The following MASP2 variants were observed in gnomAD, a reference collection of about 807,000 sequenced individuals.
The protein encoded by MASP2 is mannan-binding lectin serine protease 2.
A neutral mutation model predicts 57.1 loss-of-function variants in MASP2; 49 were observed. The ratio of observed to expected loss-of-function variants is 0.86; its 90% CI spans 0.68 to 1.09. MASP2 has a LOEUF of 1.09. Among genes scored for constraint, MASP2 ranks in the 50% least tolerant of loss-of-function variants. The pLI is 0.00. For synonymous variants in MASP2, 379 were observed against 340.8 expected (o/e 1.11, Z -1.24); for missense variants, 900 against 874.8 (o/e 1.03, Z -0.36).
chr1:11,030,242 C>G lies in MASP2; in HGVS notation c.1231G>C (p.Val411Leu), dbSNP rs367583731. 6.2e-6 allele frequency: 10 copies of G among 1,612,608 alleles called. No individual in the cohort carries two copies. In the African/African-American group the frequency reaches 1.3e-4, roughly 22 times the overall value. ...GTCCAGAATCCATCAGCCTCACACA[C>G]ATATTTACCTGCAAATCATTGGAAA... is the stretch of plus-strand genomic sequence containing the variant. ...YTMKVNDGKYVCEADGFWTSS... is the reference protein window; with the variant it reads ...YTMKVNDGKYLCEADGFWTSS... The change falls in exon 10 of 11, where the codon GTG becomes CTG. Residue 411 changes from valine to leucine, a missense_variant. By Grantham distance (32) the Val-to-Leu change is conservative. Transcript: ENST00000400897.
chr1:11,034,973 C>T, intron 7 of MASP2, 67 bp from the exon 8 acceptor site: 3 of 1,163,026 alleles, frequency 2.6e-6, no homozygotes, highest in East Asian at 2.6e-5. Flanking sequence ...CAAAGCTGTG[C>T]TCTCACAGCA....
Position 11,044,723 on chromosome 1 carries a change from G to A in MASP2, c.544+685C>T, listed in dbSNP as rs1019336771. On this transcript the variant is annotated intron_variant, in intron 4 of 10. Transcript: ENST00000400897. ...CCACAGACCTGGGGTTCATGAGGCT[G>A]TGAGGAGGGTAGGCAGAGAGGAGCG... is the stretch of plus-strand genomic sequence containing the variant. 15 of 1,337,344 alleles carry A rather than the reference G, an allele frequency of 1.1e-5. No homozygotes were observed. In the African/African-American group the frequency reaches 2.2e-4, roughly 20 times the overall value. The allele number at this position is 1,337,344 out of a possible 1,614,324, so 82.8% of individuals were successfully genotyped here.
At chr1:11,044,614 G>A (rs935309004) in intron 4 of MASP2, among the ~76,000 whole-genome samples, 1 of 152,150 alleles carries the variant, frequency 6.6e-6, no homozygotes, top group East Asian at 1.9e-4. Flanking sequence ...CTCGAGCGAG[G>A]CCTTGCCCCT....
At chr1:11,044,859 A>C in intron 4 of MASP2, 8 of 1,539,088 alleles carry the variant, frequency 5.2e-6, no homozygotes, top group Non-Finnish European at 7.0e-6. Context: ...GGGCACAGCC[A>C]TCTCAGCCCA....
In MASP2 at chr1:11,027,045, C is replaced by A; in HGVS notation, c.1901G>T (p.Gly634Val). Residue 634 changes from glycine to valine, a missense_variant, in exon 11 of 11, where the codon GGA becomes GTA. Gly to Val is a moderately radical substitution (Grantham distance 109). Coordinates refer to ENST00000400897, the MANE Select transcript of MASP2 (RefSeq NM_006610.4). ...ACTATCTAGAAACACCAGTGCCCCT[C>A]CGCTGTCACCTCTGCAGCTGTCCTT... Reference protein sequence around the residue: ...GGKDSCRGDSGGALVFLDSET... With the variant: ...GGKDSCRGDSVGALVFLDSET... 2 of 1,593,082 alleles carry A rather than the reference C, an allele frequency of 1.3e-6. No individual in the cohort carries two copies. Among genetic ancestry groups the A allele is most frequent in the South Asian group, 1.1e-5 (1 of 87,124 alleles).
At chr1:11,038,484 C>T (rs563285525) in intron 6 of MASP2, among the ~76,000 whole-genome samples, 2 of 152,188 alleles carry the variant, frequency 1.3e-5, no homozygotes, top group South Asian at 2.1e-4. Context: ...CTGCATTCCA[C>T]TCTGGCCCCC....
At chr1:11,032,215 G>A (rs78179255) in intron 8 of MASP2, among the ~76,000 whole-genome samples, 1,794 of 152,300 alleles carry the variant, frequency 0.012, 41 homozygotes, top group African/African-American at 0.04. Flanking sequence ...CCAGTTTGGG[G>A]TGTGTGTATT....
chr1:11,045,920 G>C (rs1346430688), intron 3 of MASP2: 1 of 244,446 alleles, frequency 4.1e-6, no homozygotes, highest in Non-Finnish European at 8.0e-6. Flanking sequence ...TCTCTGCAGG[G>C]ACTGGGATCT....
chr1:11,035,013 C>G, intron 7 of MASP2, 107 bp from the exon 8 acceptor site: 1 of 735,492 alleles, frequency 1.4e-6, no homozygotes, highest in South Asian at 1.9e-5. Flanking sequence ...ACGAGGTGCT[C>G]CTGAAGGGGG....
Position 11,027,031 on chromosome 1 carries a change from A to G in MASP2, c.1915T>C (p.Phe639Leu). 1 of 1,596,520 alleles carries G rather than the reference A, an allele frequency of 6.3e-7. No individual in the cohort carries two copies. ...CACCTCTCTGTTTCACTATCTAGAA[A>G]CACCAGTGCCCCTCCGCTGTCACCT... ...CRGDSGGALV[F>L]LDSETERWFV... The change falls in exon 11 of 11, where the codon TTT becomes CTT. Residue 639 changes from phenylalanine to leucine, a missense_variant. Coordinates refer to ENST00000400897, the MANE Select transcript of MASP2 (RefSeq NM_006610.4).
In MASP2 at chr1:11,044,775, C is replaced by T. The variant is rs531740139; in HGVS notation, c.544+633G>A. 7.5e-5 allele frequency: 103 copies of T among 1,373,038 alleles called. 2 individuals carry two copies. The East Asian group carries it at 3.4e-3, about 45-fold the overall frequency. The allele number at this position is 1,373,038 out of a possible 1,614,324, so 85.1% of individuals were successfully genotyped here. On this transcript the variant is annotated intron_variant, in intron 4 of 10. Transcript: ENST00000400897. ...ACCCCGCCGCCTCCCGACCCTCCCA[C>T]CCCAGAGACACGTGGCAGCAGGTGG... is the stretch of plus-strand genomic sequence containing the variant.
At position 11,043,450 on chromosome 1, in the gene MASP2, A is replaced by G. The variant is rs369013383; in HGVS notation, c.630T>C (p.Ser210=). The change falls in exon 5 of 11, where the codon AGT becomes AGC. Residue 210 remains serine (S), a synonymous_variant. Coordinates refer to ENST00000400897, the MANE Select transcript of MASP2 (RefSeq NM_006610.4). ...EYPRPYPKLS[S]CTYSISLEEG... ...CCTCCAGGCTGATGCTGTAAGTGCA[A>G]CTGGAGAGTTTGGGATACGGCCGTG... 15 of 1,611,060 alleles carry G rather than the reference A, an allele frequency of 9.3e-6. No homozygotes were observed. The African/African-American group carries it at 9.4e-5, about 10-fold the overall frequency.
At chr1:11,043,093 ACCT>A (rs1638511281) in intron 5 of MASP2, 71 bp from the exon 6 acceptor site, 1 of 1,528,130 alleles carries the variant, frequency 6.5e-7, no homozygotes, top group Admixed American at 1.7e-5. Flanking sequence ...GAAGTAACCC[ACCT>A]CCTCAGCATT....
Position 11,027,561 on chromosome 1 carries a change from A to G in MASP2, c.1385T>C (p.Ile462Thr), listed in dbSNP as rs767238206. 5.6e-6 allele frequency: 9 copies of G among 1,614,038 alleles called. No individual in the cohort carries two copies. Among genetic ancestry groups the G allele is most frequent in the Admixed American group, 1.7e-5 (1 of 60,000 alleles). The change falls in exon 11 of 11, where the codon ATA becomes ACA. Residue 462 changes from isoleucine (I) to threonine (T), a missense_variant. Ile to Thr is a moderately conservative substitution (Grantham distance 89). Coordinates refer to ENST00000400897, the MANE Select transcript of MASP2 (RefSeq NM_006610.4). ...ACCTGCTGCTGTGGTTCCACCTAAT[A>G]TCAGGACTTGCCAAGGAAAATCACC... is the stretch of plus-strand genomic sequence containing the variant. ...KPGDFPWQVL[I>T]LGGTTAAGAL...
chr1:11,032,019 C>CA (rs1385877428), intron 8 of MASP2, among the ~76,000 whole-genome samples: 1 of 152,134 alleles, frequency 6.6e-6, no homozygotes, highest in Non-Finnish European at 1.5e-5. Context: ...CGTGTAATCC[C>CA]AGCACTCAAG....
intron 4 of MASP2, chr1:11,045,124 C>G: frequency 1.3e-6 from 1 of 748,882 alleles, no homozygotes; most frequent in Non-Finnish European, 2.3e-6. Context: ...TAGATACCCC[C>G]GACTCTCCCG....
chr1:11,044,518 C>T (rs1412036015), intron 4 of MASP2, among the ~76,000 whole-genome samples: 1 of 152,140 alleles, frequency 6.6e-6, no homozygotes, highest in African/African-American at 2.4e-5. Flanking sequence ...CCCAGGGTGT[C>T]TCCTCTGTGG....
chr1:11,028,697 G>GTTTTTTTTTT lies in MASP2; in HGVS notation c.1298-1050_1298-1049insAAAAAAAAAA, dbSNP rs1208974169. On this transcript the variant is annotated intron_variant, in intron 10 of 10. Coordinates refer to ENST00000400897, the MANE Select transcript of MASP2 (RefSeq NM_006610.4). ...AATTAATATATTACTATCTTTCTGG[G>GTTTTTTTTTT]TTTTTTTTCTTTTTTTTTTTTTTTT... is the stretch of plus-strand genomic sequence containing the variant. Among the ~76,000 whole-genome samples the GTTTTTTTTTT allele has an allele frequency of 4.4e-4, 16 of 36,176 alleles. 1 individual carries two copies. The highest frequency in any genetic ancestry group is 2.1e-3 in the African/African-American group (16 of 7,652). 23.7% of individuals were successfully genotyped at this position (36,176 alleles called of 152,430 possible).
intron 10 of MASP2, 108 bp from the exon 11 acceptor site, chr1:11,027,756 A>G: frequency 8.5e-7 from 1 of 1,172,056 alleles, no homozygotes. Flanking sequence ...CAAAAATTAT[A>G]TTACATGAAT....
Sources: allele counts gnomAD v4.1 joint callset (sites outside exome capture counted in the v4.1 genomes callset), GRCh38; gene constraint gnomAD v4.1.1; transcripts MANE v1.5; gene names NCBI Gene and HGNC (gene_info 2026-07-23, HGNC 2026-07-21).